The following DLGAP2 variants were observed in gnomAD, a reference collection of about 807,000 sequenced individuals.
The protein encoded by DLGAP2 is disks large-associated protein 2.
In DLGAP2, 26 loss-of-function variants were observed where a neutral mutation model predicts 100.3. That is an observed-to-expected ratio of 0.26 (90% CI 0.19 to 0.36). The LOEUF (loss-of-function observed/expected upper bound fraction) is 0.36, where lower values mean the gene tolerates loss of function less well. Ranked by LOEUF, DLGAP2 falls within the 10% of genes least tolerant of loss-of-function variation. The probability of loss-of-function intolerance (pLI) is 1.00; values close to 1 mark genes in which losing one functional copy is unlikely to be tolerated. For missense variants in DLGAP2, 1,858 were observed against 1,453.2 expected, an observed-to-expected ratio of 1.28 and a Z score of -4.53; for synonymous variants, 886 against 630.1, an observed-to-expected ratio of 1.41 and a Z score of -6.08.
intron 4 of DLGAP2, among the ~76,000 whole-genome samples, chr8:1,528,695 C>T (rs1356214057): frequency 6.6e-6 from 1 of 152,112 alleles, no homozygotes; most frequent in African/African-American, 2.4e-5. Flanking sequence ...GAGTGGGTGA[C>T]CAGATGACCG....
chr8:782,346 A>C (rs1015435088), intron 1 of DLGAP2, among the ~76,000 whole-genome samples: 3 of 152,108 alleles, frequency 2.0e-5, no homozygotes, highest in Non-Finnish European at 4.4e-5. Context: ...TTTTAAAAAA[A>C]TCATGTAAAA....
intron 8 of DLGAP2, among the ~76,000 whole-genome samples, chr8:1,661,291 A>G (rs556545227): frequency 4.0e-4 from 61 of 152,282 alleles, no homozygotes; most frequent in African/African-American, 1.3e-3. Flanking sequence ...TGTGTGGTGC[A>G]TGACCACCTG....
intron 2 of DLGAP2, among the ~76,000 whole-genome samples, chr8:957,801 G>A (rs1799629840): frequency 1.3e-5 from 2 of 152,096 alleles, no homozygotes; most frequent in South Asian, 4.1e-4. Flanking sequence ...GTAATAATAT[G>A]TGTCTAATTG....
In DLGAP2 at chr8:1,528,433, C is replaced by G. The variant is rs575602493; in HGVS notation, c.173-20193C>G. Among the ~76,000 whole-genome samples the G allele has an allele frequency of 4.3e-3, 649 of 152,326 alleles. 8 individuals carry two copies. The highest frequency in any genetic ancestry group is 0.015 in the African/African-American group (618 of 41,560). On this transcript the variant is annotated intron_variant, in intron 4 of 14. Transcript: ENST00000637795. ...AGAAGACGTCATAAACTCCTAAGCC[C>G]AGAGCACTGGGAGATCTCACATCTA...
intron 4 of DLGAP2, among the ~76,000 whole-genome samples, chr8:1,510,524 G>A (rs1287072314): frequency 1.3e-5 from 2 of 152,240 alleles, no homozygotes; most frequent in Admixed American, 6.5e-5. Flanking sequence ...CGACGAAGGA[G>A]GGACAAGGAA....
At chr8:1,256,937 A>G (rs1202966703) in intron 2 of DLGAP2, among the ~76,000 whole-genome samples, 1 of 151,990 alleles carries the variant, frequency 6.6e-6, no homozygotes, top group African/African-American at 2.4e-5. Flanking sequence ...TGTGTGGACC[A>G]TGGCCTGCCC....
intron 2 of DLGAP2, among the ~76,000 whole-genome samples, chr8:1,170,025 T>C (rs2116674185): frequency 6.6e-6 from 1 of 151,936 alleles, no homozygotes; most frequent in East Asian, 1.9e-4. Flanking sequence ...GGGTTTGTCA[T>C]AGATAGCTCT....
intron 1 of DLGAP2, among the ~76,000 whole-genome samples, chr8:742,386 T>G (rs1585812989): frequency 1.3e-5 from 2 of 152,366 alleles, no homozygotes; most frequent in East Asian, 3.9e-4. Context: ...TTTCATACTC[T>G]GTACAAAAGA....
chr8:1,571,057 TG>T (rs1802647194), intron 6 of DLGAP2, among the ~76,000 whole-genome samples: 1 of 97,696 alleles, frequency 1.0e-5, no homozygotes, highest in Non-Finnish European at 2.0e-5. Context: ...AGGTGAACTG[TG>T]GGGGCATCTG....
At chr8:1,431,533 C>G (rs1399950778) in intron 3 of DLGAP2, among the ~76,000 whole-genome samples, 1 of 152,218 alleles carries the variant, frequency 6.6e-6, no homozygotes, top group Non-Finnish European at 1.5e-5. Context: ...AGCCAGCTGC[C>G]TGGCGCTCAG....
chr8:970,333 T>C (rs967193482), intron 2 of DLGAP2, among the ~76,000 whole-genome samples: 2 of 152,196 alleles, frequency 1.3e-5, no homozygotes, highest in Non-Finnish European at 2.9e-5. Flanking sequence ...ATATATTTTA[T>C]TTTTAAAAAA....
intron 3 of DLGAP2, among the ~76,000 whole-genome samples, chr8:1,320,810 G>C (rs1800878254): frequency 6.6e-6 from 1 of 152,208 alleles, no homozygotes; most frequent in South Asian, 2.1e-4. Context: ...CAAGGCTGGA[G>C]GTGCTGCCAC....
intron 3 of DLGAP2, among the ~76,000 whole-genome samples, chr8:1,293,065 A>C (rs1204069765): frequency 6.6e-6 from 1 of 152,096 alleles, no homozygotes; most frequent in Non-Finnish European, 1.5e-5. Flanking sequence ...GAGTAAGTCA[A>C]CCTGACCCAC....
chr8:1,427,003 T>A (rs1037406415), intron 3 of DLGAP2, among the ~76,000 whole-genome samples: 1 of 152,188 alleles, frequency 6.6e-6, no homozygotes, highest in Non-Finnish European at 1.5e-5. Flanking sequence ...GAGTGCTTAT[T>A]TGAATAATTT....
intron 4 of DLGAP2, among the ~76,000 whole-genome samples, chr8:1,526,684 C>G (rs1800805176): frequency 6.6e-6 from 1 of 152,158 alleles, no homozygotes; most frequent in Non-Finnish European, 1.5e-5. Context: ...TTTAAGTCCT[C>G]TTGGTTGCAA....
intron 1 of DLGAP2, among the ~76,000 whole-genome samples, chr8:801,953 C>T (rs1299334269): frequency 1.3e-5 from 2 of 151,600 alleles, no homozygotes; most frequent in African/African-American, 2.4e-5. Context: ...TCCGTCCTCA[C>T]GGCCTGGGGA....
chr8:750,379 C>G (rs868015302), intron 1 of DLGAP2, among the ~76,000 whole-genome samples: 1 of 152,160 alleles, frequency 6.6e-6, no homozygotes, highest in African/African-American at 2.4e-5. Context: ...ATCGATTGAT[C>G]TAATGAAAAC....
chr8:1,445,784 A>C (rs1319392933), intron 3 of DLGAP2, among the ~76,000 whole-genome samples: 1 of 152,150 alleles, frequency 6.6e-6, no homozygotes, highest in African/African-American at 2.4e-5. Flanking sequence ...TTGCCATTCT[A>C]ACTGGTGTGA....
At chr8:1,482,993 C>T (rs896397303) in intron 3 of DLGAP2, among the ~76,000 whole-genome samples, 1 of 152,254 alleles carries the variant, frequency 6.6e-6, no homozygotes, top group African/African-American at 2.4e-5. Context: ...CGGGCCCTGG[C>T]GCACCTGTTC....
Sources: allele counts gnomAD v4.1 joint callset (sites outside exome capture counted in the v4.1 genomes callset), GRCh38; gene constraint gnomAD v4.1.1; transcripts MANE v1.5; gene names NCBI Gene and HGNC (gene_info 2026-07-23, HGNC 2026-07-21).